The following CAND2 variants were observed in gnomAD, a reference collection of about 807,000 sequenced individuals.
The protein encoded by CAND2 is cullin associated and neddylation dissociated 2 (putative).
In CAND2, 62 loss-of-function variants were observed where a neutral mutation model predicts 98.9. The ratio of observed to expected loss-of-function variants is 0.63; its 90% CI spans 0.51 to 0.77. CAND2 has a LOEUF of 0.77. Among genes scored for constraint, CAND2 ranks in the 30% least tolerant of loss-of-function variants. CAND2 has a pLI of 0.00. For synonymous variants in CAND2, 770 were observed against 731.9 expected (o/e 1.05, Z -0.84); for missense variants, 1,501 against 1,655.2 (o/e 0.91, Z 1.62).
At chr3:12,827,176 T>C (rs747297003) in intron 12 of CAND2, among the ~76,000 whole-genome samples, 4 of 152,098 alleles carry the variant, frequency 2.6e-5, no homozygotes, top group Non-Finnish European at 4.4e-5. Context: ...GAATGAAACG[T>C]CATCAGTCAA....
Position 12,825,447 on chromosome 3 carries a change from C to T in CAND2, c.3041-23C>T, listed in dbSNP as rs765592124. ...TTGTGCTTTGGCTGTGCATCCCCCA[C>T]GCCCCTCATGTTCTTCTGCCAGGAG... On this transcript the variant is annotated intron_variant, in intron 11 of 14. Coordinates refer to ENST00000456430, the MANE Select transcript of CAND2 (RefSeq NM_001162499.2). 37 of 1,543,536 alleles carry T rather than the reference C, an allele frequency of 2.4e-5. No individual in the cohort carries two copies. The East Asian group carries it at 3.2e-4, about 13-fold the overall frequency.
chr3:12,814,937 G>A (rs2061884053), intron 7 of CAND2, among the ~76,000 whole-genome samples: 1 of 152,082 alleles, frequency 6.6e-6, no homozygotes, highest in South Asian at 2.1e-4. Context: ...AAGATTATGG[G>A]TTTGACATGC....
intron 5 of CAND2, 123 bp downstream of exon 5, chr3:12,810,447 G>A (rs975004227): frequency 4.5e-6 from 4 of 879,766 alleles, no homozygotes; most frequent in Non-Finnish European, 4.6e-6. Context: ...TGGGCCGTCT[G>A]CCTTGGTAGG....
chr3:12,812,220 T>C (rs2061856961), intron 5 of CAND2, among the ~76,000 whole-genome samples: 1 of 119,064 alleles, frequency 8.4e-6, no homozygotes, highest in East Asian at 2.2e-4. Context: ...AAGCTGTTTA[T>C]CTTTTTTTTT....
intron 5 of CAND2, among the ~76,000 whole-genome samples, chr3:12,810,883 G>T (rs1234491152): frequency 1.3e-5 from 2 of 152,208 alleles, no homozygotes; most frequent in Non-Finnish European, 2.9e-5. Context: ...ACCCCCAAAA[G>T]CTTCCTTGTG....
Position 12,827,174 on chromosome 3 carries a change from C to T in CAND2, c.3211-266C>T, listed in dbSNP as rs556624386. On this transcript the variant is annotated intron_variant, in intron 12 of 14. Coordinates refer to ENST00000456430, the MANE Select transcript of CAND2 (RefSeq NM_001162499.2). Reference sequence around the variant, plus strand: ...TGGCATTTGTGATGCTTGAATGAAACGTCATCAGTCAAGCAGTCAGCACAG... The same window carrying T: ...TGGCATTTGTGATGCTTGAATGAAATGTCATCAGTCAAGCAGTCAGCACAG... Among the ~76,000 whole-genome samples the T allele has an allele frequency of 5.3e-5, 8 of 152,252 alleles. No individual in the cohort carries two copies. In the South Asian group the frequency reaches 1.5e-3, roughly 28 times the overall value.
rs1386142526 is a variant in CAND2, at chr3:12,833,852, T to C, written c.3581T>C (p.Val1194Ala). The change falls in exon 15 of 15, where the codon GTG becomes GCG. Residue 1194 changes from valine (V) to alanine (A), a missense_variant. Physicochemically the swap from Val to Ala is moderately conservative, Grantham distance 64 (BLOSUM62 0). Transcript: ENST00000456430. Reference protein sequence around the residue: ...AVAALLTIPEVGKSPIMADFS... With the variant: ...AVAALLTIPEAGKSPIMADFS... ...GCTGCCCTGCTGACCATCCCCGAGG[T>C]GGGGAAAAGCCCCATCATGGCCGAC... The C allele has an allele frequency of 6.2e-7, 1 of 1,613,970 alleles. No individual in the cohort carries two copies. The highest frequency in any genetic ancestry group is 1.3e-5 in the African/African-American group (1 of 74,896).
Position 12,803,661 on chromosome 3 carries a change from G to A in CAND2, c.212+30G>A, listed in dbSNP as rs76699170. On this transcript the variant is annotated intron_variant, in intron 2 of 14. Transcript: ENST00000456430. ...GTGTCAGCCTCGGTGGAGCAGGAGA[G>A]GGGGCCCTACCTTGTGTGGGAGCAT... The A allele has an allele frequency of 3.0e-3, 4,730 of 1,562,016 alleles. 123 individuals carry two copies. The African/African-American group carries it at 0.052, about 17-fold the overall frequency.
rs942102681 is a variant in CAND2 at position 12,833,954 on chromosome 3, C to G, written c.3683C>G (p.Pro1228Arg). The change falls in exon 15 of 15, where the codon CCC (proline) becomes CGC (arginine). Residue 1228 changes from proline to arginine, a missense_variant. Pro to Arg is a moderately radical substitution (Grantham distance 103, BLOSUM62 -2). Coordinates refer to ENST00000456430, the MANE Select transcript of CAND2 (RefSeq NM_001162499.2). The part of the protein sequence containing the change: ...ESIQKDSASA[P>R]STDSMELS Reference sequence around the variant, plus strand: ...ATCCAGAAGGATTCCGCTTCAGCCCCCAGCACAGACTCAATGGAGCTCAGC... The same window carrying G: ...ATCCAGAAGGATTCCGCTTCAGCCCGCAGCACAGACTCAATGGAGCTCAGC... 2 of 1,614,094 alleles carry G rather than the reference C, an allele frequency of 1.2e-6. No homozygotes were observed. The highest frequency in any genetic ancestry group is 1.3e-5 in the African/African-American group (1 of 74,938).
chr3:12,809,769 T>C (rs1047843381), intron 4 of CAND2: 1 of 340,876 alleles, frequency 2.9e-6, no homozygotes, highest in African/African-American at 2.1e-5. Flanking sequence ...TTCCAAGAAA[T>C]AGGGACAGCC....
chr3:12,803,043 A>G (rs1020717478), intron 1 of CAND2, among the ~76,000 whole-genome samples: 5 of 139,610 alleles, frequency 3.6e-5, no homozygotes, highest in East Asian at 2.1e-4. Flanking sequence ...AGGCTGGAGT[A>G]CAGTGGCATG....
At chr3:12,832,967 G>GT (rs1477311298) in intron 14 of CAND2, among the ~76,000 whole-genome samples, 1 of 152,200 alleles carries the variant, frequency 6.6e-6, no homozygotes, top group African/African-American at 2.4e-5. Context: ...GACTTGTGTC[G>GT]TTTAATCCTC....
rs145885685 is a variant in CAND2, at chr3:12,800,652, C to T, written c.69-2836C>T. Among the ~76,000 whole-genome samples, 935 of 152,312 alleles carry T rather than the reference C, an allele frequency of 6.1e-3. 8 individuals are homozygous for T. The highest frequency in any genetic ancestry group is 0.021 in the African/African-American group (884 of 41,566). ...ACCTGATTCTAATCAGGTATTGTCA[C>T]CAGGGATTGTAGGCCCCGTTGTACT... On this transcript the variant is annotated intron_variant, in intron 1 of 14. Transcript: ENST00000456430.
chr3:12,800,147 T>A (rs1390224449), intron 1 of CAND2, among the ~76,000 whole-genome samples: 1 of 152,224 alleles, frequency 6.6e-6, no homozygotes, highest in Admixed American at 6.5e-5. Flanking sequence ...TCCTTCACTT[T>A]ACCTTTGCCC....
chr3:12,815,232 G>A lies in CAND2; in HGVS notation c.1098G>A (p.Arg366=), dbSNP rs2061887549. ...GCATCGCAGCCTTGATCAGCTCGCG[G>A]CCTGACCTGCTGCCCGATTTCCACT... ...AKCIAALISS[R]PDLLPDFHCT... The change falls in exon 8 of 15, where the codon CGG becomes CGA. Residue 366 remains arginine, a synonymous_variant. Transcript: ENST00000456430. This position sits in a 1 kb window ranked among gnomAD's most constrained non-coding sequence, Gnocchi z 5.7. 1 of 1,613,684 alleles carries A rather than the reference G, an allele frequency of 6.2e-7. No homozygotes were observed. Among genetic ancestry groups the A allele is most frequent in the Non-Finnish European group, 8.5e-7 (1 of 1,180,054 alleles).
In CAND2 at chr3:12,810,100, A is replaced by G. The variant is rs1406110993; in HGVS notation, c.533A>G (p.His178Arg). The change falls in exon 5 of 15, where the codon CAC becomes CGC. Residue 178 changes from histidine to arginine, a missense_variant. By Grantham distance (29) the His-to-Arg change is conservative (BLOSUM62 0). Around this residue, in one of 3 missense-constraint regions of CAND2, gnomAD observed 1,427 missense variants for 1,545.3 expected, o/e 0.92. Transcript: ENST00000456430. Reference sequence around the variant, plus strand: ...GGCGCCTTCCACGCCAGCCTCCTGCACTGTCTGCTGCCACAGCTGAGCAGC... The same window carrying G: ...GGCGCCTTCCACGCCAGCCTCCTGCGCTGTCTGCTGCCACAGCTGAGCAGC... ...PLGAFHASLL[H>R]CLLPQLSSPR... 1 of 1,501,518 alleles carries G rather than the reference A, an allele frequency of 6.7e-7. No homozygotes were observed. Among genetic ancestry groups the G allele is most frequent in the Non-Finnish European group, 8.9e-7 (1 of 1,128,122 alleles). 93.0% of individuals were successfully genotyped at this position (1,501,518 alleles called of 1,614,324 possible).
chr3:12,822,962 C>G (rs529354899), intron 11 of CAND2, among the ~76,000 whole-genome samples: 2 of 152,258 alleles, frequency 1.3e-5, no homozygotes, highest in African/African-American at 4.8e-5. Context: ...TCTCTTCTAC[C>G]TACCTACCCA....
intron 11 of CAND2, among the ~76,000 whole-genome samples, chr3:12,822,100 C>G (rs36080064): frequency 6.6e-6 from 1 of 152,074 alleles, no homozygotes; most frequent in Non-Finnish European, 1.5e-5. Context: ...ATTATTCTTT[C>G]CATAGTTACA....
At chr3:12,825,427 C>G (rs754189932) in intron 11 of CAND2, 43 bp from the exon 12 acceptor site, 38 of 1,527,598 alleles carry the variant, frequency 2.5e-5, no homozygotes, top group Non-Finnish European at 3.0e-5. Context: ...TGACTTTGTG[C>G]TTTGGCTGTG....
Sources: gnomAD v4.1 joint callset for allele counts (sites outside exome capture counted in the v4.1 genomes callset) on GRCh38, gnomAD v4.1.1 for gene constraint, gnomAD v4.1.1 regional missense constraint, Gnocchi (gnomAD v3.1) non-coding constraint, MANE v1.5 for transcripts, NCBI Gene and HGNC (gene_info 2026-07-23, HGNC 2026-07-21) for gene names.